STAB2: variants seen among roughly 807,000 people sequenced by gnomAD.
The protein encoded by STAB2 is stabilin-2.
STAB2 carries 288 observed loss-of-function variants against 338.1 expected under a neutral mutation model. That is an observed-to-expected ratio of 0.85 (90% confidence interval 0.77 to 0.94). The LOEUF is 0.94. Ranked by LOEUF, STAB2 falls within the 40% of genes least tolerant of loss-of-function variation. The pLI, the probability that STAB2 is intolerant of heterozygous loss-of-function variation, is 0.00. For synonymous variants in STAB2, 1,202 were observed against 1,193.3 expected (o/e 1.01, Z -0.15); for missense variants, 3,141 against 3,210.1 (o/e 0.98, Z 0.52).
chr12:103,750,581 C>T lies in STAB2; in HGVS notation c.6441C>T (p.Gly2147=). 6.2e-7 allele frequency: 1 copy of T among 1,614,116 alleles called. No individual in the cohort carries two copies. The highest frequency in any genetic ancestry group is 8.5e-7 in the Non-Finnish European group (1 of 1,179,978). ...EHATCKMTGP[G]KHKCECKSHY... ...CTCTTCCCACTCTCCCTCCACAGGGCAAGCACAAGTGTGAGTGTAAAAGTC... is the reference window on the plus strand; with the variant it reads ...CTCTTCCCACTCTCCCTCCACAGGGTAAGCACAAGTGTGAGTGTAAAAGTC... The change falls in exon 60 of 69, where the codon GGC becomes GGT. Residue 2147 remains glycine, a splice_region_variant and synonymous_variant. Coordinates refer to ENST00000388887, the MANE Select transcript of STAB2 (RefSeq NM_017564.10).
chr12:103,673,087 T>C (rs1327178612), intron 22 of STAB2, among the ~76,000 whole-genome samples: 1 of 152,184 alleles, frequency 6.6e-6, no homozygotes, highest in Non-Finnish European at 1.5e-5. Flanking sequence ...TGCCCAAATA[T>C]CGCCTATTGG....
intron 20 of STAB2, 39 bp from the exon 21 acceptor site, chr12:103,669,502 C>A: frequency 1.3e-6 from 2 of 1,532,046 alleles, no homozygotes; most frequent in Non-Finnish European, 1.8e-6. Flanking sequence ...TGGTGCTCTA[C>A]TTGGGGGTTC....
At chr12:103,646,884 C>T (rs922784925) in intron 9 of STAB2, among the ~76,000 whole-genome samples, 2 of 152,078 alleles carry the variant, frequency 1.3e-5, no homozygotes, top group Admixed American at 1.3e-4. Context: ...ATAGAGGTAT[C>T]GATGGGATGT....
chr12:103,739,664 C>A (rs562537845), intron 54 of STAB2, among the ~76,000 whole-genome samples, 196 bp downstream of exon 54: 2 of 151,870 alleles, frequency 1.3e-5, no homozygotes, highest in Non-Finnish European at 1.5e-5. Flanking sequence ...GCCCAGGCAA[C>A]CTGTCAACCC....
At chr12:103,732,799 T>C (rs1313914499) in intron 50 of STAB2, among the ~76,000 whole-genome samples, 2 of 152,140 alleles carry the variant, frequency 1.3e-5, no homozygotes. Context: ...AGTGAGACCC[T>C]GTCTCAAAAA....
chr12:103,590,997 T>C lies in STAB2; in HGVS notation c.182T>C (p.Ile61Thr), dbSNP rs1246360186. Residue 61 changes from isoleucine (I) to threonine (T), a missense_variant, in exon 2 of 69, where the codon ATT (isoleucine) becomes ACT (threonine). Physicochemically the swap from Ile to Thr is moderately conservative, Grantham distance 89 (BLOSUM62 -1). Coordinates refer to ENST00000388887, the MANE Select transcript of STAB2 (RefSeq NM_017564.10). ...GVKCPDGYTMITSGSVGVRDC... is the reference protein window; with the variant it reads ...GVKCPDGYTMTTSGSVGVRDC... ...AAGTGCCCGGATGGTTACACCATGA[T>C]TACCAGTGGCTCTGTAGGGGTTCGA... The C allele has an allele frequency of 6.2e-7, 1 of 1,613,998 alleles. No individual in the cohort carries two copies. Among genetic ancestry groups the C allele is most frequent in the African/African-American group, 1.3e-5 (1 of 74,898 alleles).
At chr12:103,625,408 G>A (rs907833548) in intron 5 of STAB2, among the ~76,000 whole-genome samples, 9 of 152,170 alleles carry the variant, frequency 5.9e-5, no homozygotes, top group African/African-American at 1.4e-4. Flanking sequence ...CGTGCACAAC[G>A]TGCAGCTTAG....
intron 5 of STAB2, among the ~76,000 whole-genome samples, chr12:103,626,558 A>G (rs1344153023): frequency 6.6e-6 from 1 of 152,232 alleles, no homozygotes; most frequent in African/African-American, 2.4e-5. Context: ...TTAAGTGAGG[A>G]CAAAAGTAAT....
At chr12:103,669,510 T>TCC in intron 20 of STAB2, 31 bp from the exon 21 acceptor site, 1 of 1,589,422 alleles carries the variant, frequency 6.3e-7, no homozygotes, top group Non-Finnish European at 8.6e-7. Flanking sequence ...TACTTGGGGG[T>TCC]TCAAAGGGGA....
intron 68 of STAB2, 183 bp from the exon 69 acceptor site, chr12:103,766,103 T>G (rs1199079589): frequency 1.3e-6 from 1 of 764,860 alleles, no homozygotes; most frequent in Admixed American, 2.0e-5. Flanking sequence ...CTAAAACAGG[T>G]GGCCCTACCC....
chr12:103,715,276 G>A (rs978379494), intron 42 of STAB2, among the ~76,000 whole-genome samples: 1 of 152,144 alleles, frequency 6.6e-6, no homozygotes, highest in African/African-American at 2.4e-5. Flanking sequence ...TGACCACTCA[G>A]TGAAGGTGCT....
At chr12:103,641,115 C>A (rs917742897) in intron 9 of STAB2, among the ~76,000 whole-genome samples, 1 of 152,204 alleles carries the variant, frequency 6.6e-6, no homozygotes. Flanking sequence ...AAACCACAAT[C>A]AACATCGAAC....
Position 103,631,698 on chromosome 12 carries a change from G to C in STAB2, c.583+5G>C. 6.2e-7 allele frequency: 1 copy of C among 1,613,812 alleles called. No individual in the cohort carries two copies. Among genetic ancestry groups the C allele is most frequent in the Non-Finnish European group, 8.5e-7 (1 of 1,179,674 alleles). On this transcript the variant is annotated splice_donor_5th_base_variant and intron_variant, in intron 6 of 68. Transcript: ENST00000388887. ...CTGGCCCCAAGTGTGACAAGCGTAAGTACTGCTAGTTCCCTTAATGCCACA... is the reference window on the plus strand; with the variant it reads ...CTGGCCCCAAGTGTGACAAGCGTAACTACTGCTAGTTCCCTTAATGCCACA...
chr12:103,748,605 T>TAC lies in STAB2; in HGVS notation c.6245-305_6245-304dup, dbSNP rs71097994. Among the ~76,000 whole-genome samples the TAC allele has an allele frequency of 5.7e-3, 801 of 141,700 alleles. 4 individuals carry two copies. The highest frequency in any genetic ancestry group is 8.8e-3 in the Non-Finnish European group (566 of 64,118). 93.0% of individuals were successfully genotyped at this position (141,700 alleles called of 152,430 possible). Reference sequence around the variant, plus strand: ...TACACCACACACACACACACACACATACACACACACACACACACACACACA... The same window carrying TAC: ...TACACCACACACACACACACACACATACACACACACACACACACACACACACA... On this transcript the variant is annotated intron_variant, in intron 58 of 68. Coordinates refer to ENST00000388887, the MANE Select transcript of STAB2 (RefSeq NM_017564.10).
At chr12:103,591,818 G>T (rs1431383194) in intron 2 of STAB2, among the ~76,000 whole-genome samples, 2 of 152,184 alleles carry the variant, frequency 1.3e-5, no homozygotes, top group African/African-American at 2.4e-5. Context: ...GATGACAAGT[G>T]GTTCTGCTCA....
At chr12:103,717,163 G>C (rs1880382224) in intron 43 of STAB2, among the ~76,000 whole-genome samples, 1 of 152,188 alleles carries the variant, frequency 6.6e-6, no homozygotes, top group Non-Finnish European at 1.5e-5. Flanking sequence ...AGTGTGAGCT[G>C]GGCTTCAGCC....
chr12:103,627,667 T>C (rs1957401184), intron 5 of STAB2, among the ~76,000 whole-genome samples: 1 of 152,136 alleles, frequency 6.6e-6, no homozygotes, highest in South Asian at 2.1e-4. Flanking sequence ...CAATCCAGTA[T>C]AGAGGCTGTA....
At position 103,740,646 on chromosome 12, in the gene STAB2, GTC is replaced by G. The variant is rs760941498; in HGVS notation, c.5775_5776del (p.Tyr1926GlnfsTer45). 3.2e-5 allele frequency: 52 copies of G among 1,612,260 alleles called. No individual in the cohort carries two copies. The highest frequency in any genetic ancestry group is 3.3e-4 in the Middle Eastern group (2 of 6,080). ...TTCCCTTAGGGTGTGAAGCAGAAGT[GTC>G]TCTACAACCTGCCCTTCAAGAGGAA... On this transcript the variant is annotated frameshift_variant, in exon 55 of 69. Transcript: ENST00000388887. LOFTEE classifies it high-confidence loss of function.
intron 31 of STAB2, among the ~76,000 whole-genome samples, chr12:103,693,801 T>A (rs946371449): frequency 6.6e-6 from 1 of 152,192 alleles, no homozygotes; most frequent in Non-Finnish European, 1.5e-5. Context: ...TAGGGTACAT[T>A]GGGAACTTTT....
Sources: allele counts gnomAD v4.1 joint callset (sites outside exome capture counted in the v4.1 genomes callset), GRCh38; gene constraint gnomAD v4.1.1; transcripts MANE v1.5; gene names NCBI Gene and HGNC (gene_info 2026-07-23, HGNC 2026-07-21).